RBFOX1: variants seen among roughly 807,000 people sequenced by gnomAD.
RBFOX1 encodes RNA binding protein fox-1 homolog 1.
RBFOX1 carries 8 observed loss-of-function variants against 57.7 expected under a neutral mutation model. The observed-to-expected ratio is 0.14, with a 90% CI of 0.08 to 0.25. RBFOX1 has a LOEUF of 0.25. RBFOX1 is among the 10% of genes least tolerant of loss of function. RBFOX1 has a pLI of 1.00. For missense variants in RBFOX1, 611 were observed against 548.5 expected (o/e 1.11, Z -1.14); for synonymous variants, 326 against 222.4 (o/e 1.47, Z -4.15).
At chr16:6,630,847 A>G (rs954191270) in intron 2 of RBFOX1, among the ~76,000 whole-genome samples, 1 of 152,202 alleles carries the variant, frequency 6.6e-6, no homozygotes, top group African/African-American at 2.4e-5. Flanking sequence ...CTAGGGCAGT[A>G]GTCCTCAAAC....
At chr16:7,663,199 C>G (rs536641717) in intron 12 of RBFOX1, among the ~76,000 whole-genome samples, 1 of 152,212 alleles carries the variant, frequency 6.6e-6, no homozygotes, top group African/African-American at 2.4e-5. Flanking sequence ...AACCGACATT[C>G]TCTATGTTGG....
intron 3 of RBFOX1, among the ~76,000 whole-genome samples, chr16:6,658,183 T>G (rs998632128): frequency 1.3e-5 from 2 of 152,116 alleles, no homozygotes; most frequent in African/African-American, 4.8e-5. Context: ...CACTGAATCT[T>G]AGACCACATA....
chr16:6,385,406 CTGGAG>C (rs1463840654), intron 2 of RBFOX1, among the ~76,000 whole-genome samples: 16 of 152,218 alleles, frequency 1.1e-4, no homozygotes, highest in African/African-American at 3.9e-4. Context: ...TTTGCCCAGG[CTGGAG>C]TGCAGTGCCG....
intron 5 of RBFOX1, among the ~76,000 whole-genome samples, chr16:7,560,423 A>G (rs1485842799): frequency 2.1e-5 from 2 of 94,074 alleles, no homozygotes; most frequent in African/African-American, 6.8e-5. Context: ...GCTTGAATTC[A>G]AGTCTCCTAA....
intron 4 of RBFOX1, among the ~76,000 whole-genome samples, chr16:7,455,032 A>G (rs999414905): frequency 6.6e-6 from 1 of 152,222 alleles, no homozygotes; most frequent in African/African-American, 2.4e-5. Context: ...TTCAAACACA[A>G]TAGGGCACTA....
chr16:5,871,995 AT>A (rs1452589496), intron 4 of RBFOX1, among the ~76,000 whole-genome samples: 1 of 152,118 alleles, frequency 6.6e-6, no homozygotes, highest in Non-Finnish European at 1.5e-5. Flanking sequence ...TCCTACCATT[AT>A]TTTTTCCTTC....
intron 3 of RBFOX1, among the ~76,000 whole-genome samples, chr16:5,624,202 A>G (rs1290758045): frequency 6.6e-6 from 1 of 152,162 alleles, no homozygotes. Context: ...TGCTACCCAG[A>G]GACTCTTTTT....
intron 1 of RBFOX1, among the ~76,000 whole-genome samples, chr16:6,294,344 G>C (rs1423316670): frequency 6.6e-6 from 1 of 152,220 alleles, no homozygotes. Flanking sequence ...TATGGTCCCA[G>C]TATGGTTAGA....
At chr16:6,864,287 G>C (rs1396043638) in intron 3 of RBFOX1, among the ~76,000 whole-genome samples, 1 of 152,042 alleles carries the variant, frequency 6.6e-6, no homozygotes, top group African/African-American at 2.4e-5. Flanking sequence ...TAAGAAATTA[G>C]AGAACACACT....
chr16:5,962,225 T>C (rs1362343519), intron 4 of RBFOX1, among the ~76,000 whole-genome samples: 1 of 152,216 alleles, frequency 6.6e-6, no homozygotes, highest in African/African-American at 2.4e-5. Flanking sequence ...TATACCTACA[T>C]CCTTGGCAAG....
chr16:6,143,419 G>A (rs1310777431), intron 1 of RBFOX1, among the ~76,000 whole-genome samples: 2 of 152,182 alleles, frequency 1.3e-5, no homozygotes, highest in African/African-American at 4.8e-5. Context: ...AAATCACAAT[G>A]CATTACTGTG....
At chr16:6,712,353 T>A (rs1008292404) in intron 3 of RBFOX1, among the ~76,000 whole-genome samples, 1 of 152,204 alleles carries the variant, frequency 6.6e-6, no homozygotes, top group African/African-American at 2.4e-5. Flanking sequence ...GACCACGTTG[T>A]TGAAATGTTA....
intron 3 of RBFOX1, among the ~76,000 whole-genome samples, chr16:6,719,807 T>A (rs2154160886): frequency 6.6e-6 from 1 of 152,138 alleles, no homozygotes; most frequent in Admixed American, 6.5e-5. Flanking sequence ...AATGACATAA[T>A]GGAGCCCGGG....
Position 6,856,723 on chromosome 16 carries a change from A to G in RBFOX1, c.-15-195334A>G, listed in dbSNP as rs1261484597. On this transcript the variant is annotated intron_variant, in intron 3 of 15. Coordinates refer to ENST00000550418, the MANE Select transcript of RBFOX1 (RefSeq NM_018723.4). ...AAGTAAAGTGGTTATCTCAATCACA[A>G]ACTACCATGAGGCAATAATGATGAT... Among the ~76,000 whole-genome samples the G allele has an allele frequency of 4.6e-5, 7 of 152,176 alleles. No homozygotes were observed. In the East Asian group the frequency reaches 1.2e-3, roughly 25 times the overall value.
At chr16:7,649,596 A>C (rs1479015284) in intron 11 of RBFOX1, among the ~76,000 whole-genome samples, 1 of 152,148 alleles carries the variant, frequency 6.6e-6, no homozygotes, top group Non-Finnish European at 1.5e-5. Context: ...CACTTTGTAC[A>C]CAGGACAGTG....
chr16:7,013,753 G>A (rs1433453107), intron 3 of RBFOX1, among the ~76,000 whole-genome samples: 1 of 152,084 alleles, frequency 6.6e-6, no homozygotes, highest in African/African-American at 2.4e-5. Flanking sequence ...AAACTCCCAG[G>A]CTCAAGCAAT....
chr16:7,517,150 T>A (rs1427788672), intron 4 of RBFOX1, among the ~76,000 whole-genome samples: 1 of 145,002 alleles, frequency 6.9e-6, no homozygotes, highest in Non-Finnish European at 1.5e-5. Flanking sequence ...TGTGTGTGTG[T>A]GTGTGTGTGT....
intron 1 of RBFOX1, among the ~76,000 whole-genome samples, chr16:6,125,804 G>A (rs545301539): frequency 1.3e-5 from 2 of 152,270 alleles, no homozygotes; most frequent in African/African-American, 2.4e-5. Context: ...CAAAGGGTTG[G>A]TAGGCTATTT....
intron 11 of RBFOX1, among the ~76,000 whole-genome samples, chr16:7,649,635 T>C (rs1487976930): frequency 6.6e-6 from 1 of 152,112 alleles, no homozygotes; most frequent in Non-Finnish European, 1.5e-5. Flanking sequence ...GAAGAGGTGG[T>C]GGCTGTACTC....
Sources: gnomAD v4.1 joint callset for allele counts (sites outside exome capture counted in the v4.1 genomes callset) on GRCh38, gnomAD v4.1.1 for gene constraint, MANE v1.5 for transcripts, NCBI Gene and HGNC (gene_info 2026-07-23, HGNC 2026-07-21) for gene names.